EFL1: variants seen among roughly 807,000 people sequenced by gnomAD.
The protein encoded by EFL1 is elongation factor-like GTPase 1.
EFL1 carries 76 observed loss-of-function variants against 126.7 expected under a neutral mutation model. The observed-to-expected ratio is 0.60, with a 90% CI of 0.50 to 0.73. The LOEUF (loss-of-function observed/expected upper bound fraction) is 0.73, where lower values mean the gene tolerates loss of function less well. Ranked by LOEUF, EFL1 falls within the 30% of genes least tolerant of loss-of-function variation. The pLI, the probability that EFL1 is intolerant of heterozygous loss-of-function variation, is 0.00. For synonymous variants in EFL1, 410 were observed against 448.4 expected, an observed-to-expected ratio of 0.91 and a Z score of 1.08; for missense variants, 1,128 against 1,343.2, an observed-to-expected ratio of 0.84 and a Z score of 2.50.
intron 15 of EFL1, among the ~76,000 whole-genome samples, chr15:82,199,920 A>C (rs1567060387): frequency 6.6e-6 from 1 of 152,238 alleles, no homozygotes; most frequent in Non-Finnish European, 1.5e-5. Context: ...CCAATTATTA[A>C]AGCTAAAAGT....
chr15:82,135,756 T>G (rs971177189), intron 19 of EFL1, among the ~76,000 whole-genome samples: 2 of 152,154 alleles, frequency 1.3e-5, no homozygotes, highest in African/African-American at 2.4e-5. Context: ...GAGGGTGAAG[T>G]GATGTGTGCA....
intron 19 of EFL1, among the ~76,000 whole-genome samples, chr15:82,130,826 C>T (rs778716335): frequency 2.3e-4 from 34 of 149,290 alleles, no homozygotes; most frequent in Non-Finnish European, 3.8e-4. Context: ...GGTGAAACCC[C>T]GTCTCTACTA....
intron 11 of EFL1, among the ~76,000 whole-genome samples, chr15:82,227,023 G>C (rs1170164262): frequency 2.0e-5 from 3 of 152,194 alleles, no homozygotes; most frequent in African/African-American, 7.2e-5. Context: ...CTGAAAACTG[G>C]CCATTAGATT....
chr15:82,158,000 G>T, intron 16 of EFL1, 140 bp from the exon 17 acceptor site: 1 of 999,936 alleles, frequency 1.0e-6, no homozygotes, highest in Non-Finnish European at 1.4e-6. Flanking sequence ...AGATAGTGTA[G>T]TGATGTGAAG....
intron 15 of EFL1, among the ~76,000 whole-genome samples, chr15:82,191,188 G>GT (rs780469279): frequency 2.0e-5 from 3 of 152,078 alleles, no homozygotes; most frequent in Admixed American, 6.5e-5. Flanking sequence ...TCACATTGCA[G>GT]TAAGTTACAC....
chr15:82,160,068 C>T (rs2074007246), intron 16 of EFL1: 1 of 152,312 alleles, frequency 6.6e-6, no homozygotes, highest in Non-Finnish European at 1.5e-5. Context: ...CTCTCTCCAA[C>T]AGTGAGTCAT....
In EFL1 at chr15:82,230,931, T is replaced by A. The variant is rs2141316142; in HGVS notation, c.772A>T (p.Ile258Phe). The part of the protein sequence containing the change: ...FARIYSQKIG[I>F]KKEVLMKTLW... ...GTTTTCATAAGAACTTCCTTTTTGA[T>A]GCCAATTTTTTGACTGTAGATTCTG... Residue 258 changes from isoleucine to phenylalanine, a missense_variant, in exon 8 of 20, where the codon ATC becomes TTC. By Grantham distance (21) the Ile-to-Phe change is conservative (BLOSUM62 0). This residue lies in a region of EFL1 where 316 missense variants were observed against 318.5 expected (regional missense o/e 0.99). Transcript: ENST00000268206. The A allele has an allele frequency of 3.1e-6, 5 of 1,613,490 alleles. 1 individual carries two copies. In the South Asian group the frequency reaches 5.5e-5, roughly 18 times the overall value.
intron 15 of EFL1, among the ~76,000 whole-genome samples, chr15:82,191,100 G>GA (rs1567057218): frequency 6.6e-6 from 1 of 151,190 alleles, no homozygotes; most frequent in Non-Finnish European, 1.5e-5. Context: ...GATATTTAAA[G>GA]AAAACTCACA....
chr15:82,152,630 C>A (rs1360504990), intron 17 of EFL1, among the ~76,000 whole-genome samples: 1 of 151,752 alleles, frequency 6.6e-6, no homozygotes, highest in Non-Finnish European at 1.5e-5. Flanking sequence ...TGGGAATATA[C>A]CTCCAGGGAA....
intron 3 of EFL1, among the ~76,000 whole-genome samples, 172 bp from the exon 4 acceptor site, chr15:82,252,947 C>G (rs113707484): frequency 0.14 from 21,407 of 152,080 alleles, 1,714 homozygotes; most frequent in South Asian, 0.38. Context: ...AACTTCTAGC[C>G]TCAAGTGATC....
chr15:82,143,750 C>G (rs1358441203), intron 18 of EFL1, among the ~76,000 whole-genome samples: 1 of 152,194 alleles, frequency 6.6e-6, no homozygotes, highest in Non-Finnish European at 1.5e-5. Flanking sequence ...GCTAGCACCT[C>G]TTACTATTAT....
At chr15:82,243,795 T>C (rs2141329787) in intron 4 of EFL1, among the ~76,000 whole-genome samples, 1 of 151,800 alleles carries the variant, frequency 6.6e-6, no homozygotes, top group East Asian at 1.9e-4. Flanking sequence ...CCAGATTCTT[T>C]GAAATTCATT....
chr15:82,199,882 A>C (rs888310602), intron 15 of EFL1, among the ~76,000 whole-genome samples: 2 of 152,238 alleles, frequency 1.3e-5, no homozygotes, highest in African/African-American at 2.4e-5. Flanking sequence ...TTTCAAGTTT[A>C]TATAGAATAA....
At chr15:82,132,414 C>T (rs1411041440) in intron 19 of EFL1, among the ~76,000 whole-genome samples, 3 of 151,882 alleles carry the variant, frequency 2.0e-5, no homozygotes, top group Non-Finnish European at 4.4e-5. Flanking sequence ...TATCAGCGAA[C>T]CAAAAAAAGC....
At chr15:82,259,867 C>G (rs2075098089) in intron 2 of EFL1, among the ~76,000 whole-genome samples, 1 of 152,144 alleles carries the variant, frequency 6.6e-6, no homozygotes, top group Non-Finnish European at 1.5e-5. Context: ...ATTGTTCAAA[C>G]CAGAGACCAA....
Position 82,225,243 on chromosome 15 carries a change from T to G in EFL1, c.1214A>C (p.Glu405Ala). 1 of 1,609,792 alleles carries G rather than the reference T, an allele frequency of 6.2e-7. No individual in the cohort carries two copies. Among genetic ancestry groups the G allele is most frequent in the Middle Eastern group, 1.7e-4 (1 of 6,036 alleles). The change falls in exon 12 of 20, where the codon GAG becomes GCG. Residue 405 changes from glutamate to alanine, a missense_variant. Around this residue, in one of 6 missense-constraint regions of EFL1, gnomAD observed 316 missense variants for 318.5 expected, o/e 0.99. Transcript: ENST00000268206. ...LKAAFMKCGS[E>A]DTAPVIIFVS... is the part of the protein sequence containing the mutation. ...AAATATAATAACTGGAGCAGTGTCC[T>G]CACTTCCACATTTCATAAAAGCTAA...
chr15:82,235,652 A>G (rs997649324), intron 7 of EFL1, among the ~76,000 whole-genome samples: 2 of 152,234 alleles, frequency 1.3e-5, no homozygotes, highest in African/African-American at 4.8e-5. Context: ...TGACACATTC[A>G]TAATAATGAC....
chr15:82,241,522 A>G lies in EFL1; in HGVS notation c.245-119T>C, dbSNP rs1335592820. On this transcript the variant is annotated intron_variant, in intron 4 of 19. Transcript: ENST00000268206. Reference sequence around the variant, plus strand: ...AGAAAAAACTGAACAAAGCTAAAGGAGTTGAAAGCTCAATCCAGAGCTACC... The same window carrying G: ...AGAAAAAACTGAACAAAGCTAAAGGGGTTGAAAGCTCAATCCAGAGCTACC... The G allele has an allele frequency of 2.4e-6, 3 of 1,275,448 alleles. No individual in the cohort carries two copies. The African/African-American group carries it at 4.5e-5, about 19-fold the overall frequency. The allele number at this position is 1,275,448 out of a possible 1,614,324, so 79.0% of individuals were successfully genotyped here.
chr15:82,258,163 T>C (rs192457593), intron 3 of EFL1, among the ~76,000 whole-genome samples: 5 of 152,344 alleles, frequency 3.3e-5, no homozygotes, highest in African/African-American at 1.2e-4. Context: ...AAATTCATTA[T>C]GGAAACGAAT....
Sources: allele counts gnomAD v4.1 joint callset (sites outside exome capture counted in the v4.1 genomes callset), GRCh38; gene constraint gnomAD v4.1.1; regional missense constraint gnomAD v4.1.1; transcripts MANE v1.5; gene names NCBI Gene and HGNC (gene_info 2026-07-23, HGNC 2026-07-21).